The following CHN1 variants were observed in gnomAD, a reference collection of about 807,000 sequenced individuals.
CHN1 encodes N-chimaerin.
Under a neutral mutation model 59.5 loss-of-function variants are expected in CHN1, and 37 were observed. The observed-to-expected ratio is 0.62, with a 90% confidence interval of 0.48 to 0.82. The LOEUF is 0.82. Ranked by LOEUF, CHN1 falls within the 40% of genes least tolerant of loss-of-function variation. The pLI is 0.00. For missense variants in CHN1, 469 were observed against 571.0 expected (o/e 0.82, Z 1.82); for synonymous variants, 206 against 200.4 (o/e 1.03, Z -0.24).
chr2:174,844,217 C>A (rs1023659061), intron 7 of CHN1, among the ~76,000 whole-genome samples: 4 of 149,832 alleles, frequency 2.7e-5, no homozygotes, highest in Non-Finnish European at 5.9e-5. Context: ...AAAAAAGAGA[C>A]CATGTTACAT....
intron 1 of CHN1, among the ~76,000 whole-genome samples, chr2:174,989,374 T>G (rs1188959849): frequency 2.0e-5 from 3 of 150,750 alleles, no homozygotes; most frequent in Non-Finnish European, 3.0e-5. Context: ...AAACTCCAAC[T>G]CAAAAAAAAG....
chr2:174,895,036 C>A (rs1487702166), intron 5 of CHN1, among the ~76,000 whole-genome samples: 2 of 141,738 alleles, frequency 1.4e-5, no homozygotes, highest in African/African-American at 3.1e-5. Context: ...AGTATATACA[C>A]ACACACACGC....
intron 5 of CHN1, among the ~76,000 whole-genome samples, chr2:174,881,038 C>T (rs1459776769): frequency 6.9e-6 from 1 of 144,420 alleles, no homozygotes; most frequent in Non-Finnish European, 1.5e-5. Context: ...AAGAGTGAAA[C>T]TCCATCTCAA....
At chr2:174,951,841 A>C (rs565642430) in intron 2 of CHN1, among the ~76,000 whole-genome samples, 5 of 152,188 alleles carry the variant, frequency 3.3e-5, no homozygotes, top group Admixed American at 6.5e-5. Context: ...TCAGGACCTG[A>C]AAATAATTAG....
intron 7 of CHN1, among the ~76,000 whole-genome samples, chr2:174,843,730 G>T (rs1434070122): frequency 1.3e-5 from 2 of 151,112 alleles, no homozygotes; most frequent in Admixed American, 6.6e-5. Flanking sequence ...AGGGGTATTT[G>T]TAGTAACAAA....
In CHN1 at chr2:174,808,165, T is replaced by C. The variant is rs192400934; in HGVS notation, c.1102+740A>G. Among the ~76,000 whole-genome samples, 263 of 152,392 alleles carry C rather than the reference T, an allele frequency of 1.7e-3. 1 individual carries two copies. The highest frequency in any genetic ancestry group is 5.4e-3 in the Admixed American group (82 of 15,312). ...TGGGCCAGTGCCAGTTTGCTGTTAA[T>C]AGTCTGAGTGAACTTATACAAGCAC... On this transcript the variant is annotated intron_variant, in intron 11 of 12. Coordinates refer to ENST00000409900, the MANE Select transcript of CHN1 (RefSeq NM_001822.7).
rs570935801 is a variant in CHN1, at chr2:175,004,743, G to C, written c.19+151C>G. On this transcript the variant is annotated intron_variant, in intron 1 of 12. Transcript: ENST00000409900. Reference sequence around the variant, plus strand: ...TGGGAGAGGCGCGAGGGAGCAAGCCGGCGCCCCGGGCGCCCCAACTCTGCG... The same window carrying C: ...TGGGAGAGGCGCGAGGGAGCAAGCCCGCGCCCCGGGCGCCCCAACTCTGCG... The C allele has an allele frequency of 3.3e-4, 73 of 218,236 alleles. No individual in the cohort carries two copies. The South Asian group carries it at 0.011, about 33-fold the overall frequency. The allele number at this position is 218,236 out of a possible 1,614,324, so 13.5% of individuals were successfully genotyped here. A position where few individuals can be genotyped will look rare whatever the true frequency, so the allele number is the denominator to read the frequency against.
chr2:174,887,168 T>A (rs949193323), intron 5 of CHN1, among the ~76,000 whole-genome samples: 1 of 152,206 alleles, frequency 6.6e-6, no homozygotes, highest in Admixed American at 6.5e-5. Context: ...TAAATACAAC[T>A]AGACTAGGAT....
intron 1 of CHN1, among the ~76,000 whole-genome samples, chr2:174,953,601 C>CAGT (rs1256981005): frequency 5.3e-5 from 8 of 152,078 alleles, no homozygotes; most frequent in Admixed American, 4.6e-4. Flanking sequence ...GTACACAAAT[C>CAGT]AGTAGCTCTG....
At chr2:174,891,159 A>G (rs558452433) in intron 5 of CHN1, among the ~76,000 whole-genome samples, 101 of 144,850 alleles carry the variant, frequency 7.0e-4, no homozygotes, top group African/African-American at 2.2e-3. Context: ...AAAAAAAAAA[A>G]AAAAAAGAAA....
At chr2:174,918,618 A>C in intron 3 of CHN1, 53 bp from the exon 4 acceptor site, 1 of 1,386,648 alleles carries the variant, frequency 7.2e-7, no homozygotes, top group Non-Finnish European at 1.0e-6. Flanking sequence ...AATGTGCAGA[A>C]CATAACTCAA....
intron 1 of CHN1, among the ~76,000 whole-genome samples, chr2:174,972,836 A>C (rs886869849): frequency 2.0e-5 from 3 of 152,178 alleles, no homozygotes; most frequent in Non-Finnish European, 4.4e-5. Context: ...AGAAATAGAA[A>C]ATATAACCCC....
intron 5 of CHN1, among the ~76,000 whole-genome samples, chr2:174,914,191 T>G (rs963438334): frequency 1.3e-5 from 2 of 152,180 alleles, no homozygotes; most frequent in African/African-American, 4.8e-5. Flanking sequence ...GAGGATTAAA[T>G]GAGGTTAGAG....
At chr2:174,802,603 C>T (rs1267594506) in intron 11 of CHN1, among the ~76,000 whole-genome samples, 1 of 152,212 alleles carries the variant, frequency 6.6e-6, no homozygotes, top group Non-Finnish European at 1.5e-5. Flanking sequence ...CCAGCACATT[C>T]CTTTGAGATC....
intron 5 of CHN1, among the ~76,000 whole-genome samples, chr2:174,893,247 G>C (rs967526539): frequency 6.6e-6 from 1 of 152,022 alleles, no homozygotes; most frequent in Admixed American, 6.6e-5. Context: ...AAAACTATCA[G>C]AACCAATAAA....
rs189678139 is a variant in CHN1 at position 174,922,943 on chromosome 2, T to C, written c.115-4378A>G. ...CACATACACACGTAATATGTATTTATGGCATAAATAGAGATCTGGAAGTAT... is the reference window on the plus strand; with the variant it reads ...CACATACACACGTAATATGTATTTACGGCATAAATAGAGATCTGGAAGTAT... On this transcript the variant is annotated intron_variant, in intron 3 of 12. Coordinates refer to ENST00000409900, the MANE Select transcript of CHN1 (RefSeq NM_001822.7). 5.6e-3 allele frequency among the ~76,000 whole-genome samples: 860 copies of C among 152,264 alleles called. 16 individuals carry two copies. Among genetic ancestry groups the C allele is most frequent in the African/African-American group, 0.02 (828 of 41,552 alleles).
chr2:174,912,515 A>G (rs1682466747), intron 5 of CHN1, among the ~76,000 whole-genome samples: 1 of 152,192 alleles, frequency 6.6e-6, no homozygotes, highest in Non-Finnish European at 1.5e-5. Flanking sequence ...AAGTTCAAGG[A>G]CTTATTCCTA....
chr2:174,875,520 A>T (rs1687541714), intron 6 of CHN1, among the ~76,000 whole-genome samples: 1 of 152,206 alleles, frequency 6.6e-6, no homozygotes, highest in South Asian at 2.1e-4. Flanking sequence ...AAAGCTAGGG[A>T]AATACAGTTT....
chr2:174,943,182 TTG>T (rs3056103), intron 3 of CHN1, among the ~76,000 whole-genome samples: 12,539 of 149,564 alleles, frequency 0.084, 1,020 homozygotes, highest in African/African-American at 0.22. Context: ...TAGGGTTTGC[TTG>T]TGTGTGTGTG....
Sources: allele counts gnomAD v4.1 joint callset (sites outside exome capture counted in the v4.1 genomes callset), GRCh38; gene constraint gnomAD v4.1.1; transcripts MANE v1.5; gene names NCBI Gene and HGNC (gene_info 2026-07-23, HGNC 2026-07-21).